Variants in PDE4D observed in about 807,000 individuals in gnomAD.
The protein encoded by PDE4D is phosphodiesterase 4D.
A neutral mutation model predicts 87.4 loss-of-function variants in PDE4D; 24 were observed. The ratio of observed to expected loss-of-function variants is 0.27; its 90% CI spans 0.20 to 0.39. PDE4D has a LOEUF of 0.39. PDE4D is among the 10% of genes least tolerant of loss of function. The pLI is 1.00. For synonymous variants in PDE4D, 384 were observed against 383.2 expected (o/e 1.00, Z -0.02); for missense variants, 714 against 1,041.0 (o/e 0.69, Z 4.32).
chr5:60,518,188 C>G (rs1191321015), intron 1 of PDE4D, among the ~76,000 whole-genome samples: 4 of 152,232 alleles, frequency 2.6e-5, no homozygotes, highest in Non-Finnish European at 5.9e-5. Context: ...GGGCAGCTCC[C>G]TTGTTCACAT....
intron 2 of PDE4D, among the ~76,000 whole-genome samples, chr5:59,200,034 CACACACACGTATGT>C (rs201018241): frequency 0.15 from 20,930 of 139,578 alleles, 2,237 homozygotes; most frequent in African/African-American, 0.17. Context: ...TACATACATG[CACACACACGTATGT>C]ACACACATGC....
intron 2 of PDE4D, among the ~76,000 whole-genome samples, chr5:60,046,882 C>A (rs368331927): frequency 2.0e-5 from 3 of 152,062 alleles, no homozygotes; most frequent in Admixed American, 6.6e-5. Flanking sequence ...CTGGCCTCAT[C>A]AAATGAGTTA....
At chr5:59,576,433 C>CA (rs1410101917) in intron 1 of PDE4D, among the ~76,000 whole-genome samples, 7 of 151,908 alleles carry the variant, frequency 4.6e-5, no homozygotes, top group African/African-American at 1.5e-4. Flanking sequence ...TATCTCAAAA[C>CA]ATAGCACAAT....
intron 1 of PDE4D, among the ~76,000 whole-genome samples, chr5:60,444,119 G>A (rs537380106): frequency 2.6e-5 from 4 of 152,058 alleles, no homozygotes; most frequent in South Asian, 2.1e-4. Context: ...GGTGAAAAGC[G>A]CCTTCATTTA....
intron 1 of PDE4D, among the ~76,000 whole-genome samples, chr5:59,674,257 C>T (rs1332732884): frequency 1.3e-5 from 2 of 152,040 alleles, no homozygotes; most frequent in Non-Finnish European, 2.9e-5. Flanking sequence ...TTGCCTAAGC[C>T]GGAATAGATG....
intron 2 of PDE4D, among the ~76,000 whole-genome samples, chr5:60,077,651 T>C (rs1773459249): frequency 6.6e-6 from 1 of 152,144 alleles, no homozygotes; most frequent in Non-Finnish European, 1.5e-5. Context: ...CAGTCTCCTA[T>C]GGAAACAAGT....
At chr5:60,042,343 T>G (rs1768617569) in intron 2 of PDE4D, among the ~76,000 whole-genome samples, 1 of 152,156 alleles carries the variant, frequency 6.6e-6, no homozygotes, top group Non-Finnish European at 1.5e-5. Context: ...ACAGAGCACC[T>G]GGGGGAAGGG....
At chr5:59,259,235 T>TA (rs1761531443) in intron 1 of PDE4D, among the ~76,000 whole-genome samples, 1 of 151,858 alleles carries the variant, frequency 6.6e-6, no homozygotes, top group African/African-American at 2.4e-5. Context: ...TTCCATGTAT[T>TA]ATTTCACTTA....
intron 3 of PDE4D, among the ~76,000 whole-genome samples, chr5:59,931,414 C>T (rs1448006348): frequency 1.3e-5 from 2 of 152,160 alleles, no homozygotes; most frequent in African/African-American, 4.8e-5. Context: ...AACTTTCTTA[C>T]AGTTACGGAG....
chr5:59,802,698 C>T (rs193210871), intron 1 of PDE4D, among the ~76,000 whole-genome samples: 214 of 152,142 alleles, frequency 1.4e-3, no homozygotes, highest in African/African-American at 4.8e-3. Flanking sequence ...TGCCCAGCCT[C>T]CATATTCTTA....
chr5:59,407,039 T>C (rs1791798425), intron 1 of PDE4D, among the ~76,000 whole-genome samples: 1 of 152,198 alleles, frequency 6.6e-6, no homozygotes, highest in Admixed American at 6.5e-5. Context: ...ACTGGACTTG[T>C]AGAGTCTTGG....
intron 1 of PDE4D, among the ~76,000 whole-genome samples, chr5:59,616,918 C>CCACATAT (rs763741432): frequency 1.6e-5 from 1 of 62,890 alleles, no homozygotes; most frequent in Admixed American, 2.3e-4. Context: ...CTAATAATTA[C>CCACATAT]ATATATATAT....
chr5:59,228,993 A>G (rs1754505702), intron 1 of PDE4D, among the ~76,000 whole-genome samples: 1 of 148,872 alleles, frequency 6.7e-6, no homozygotes, highest in African/African-American at 2.5e-5. Flanking sequence ...CTAACCTCCT[A>G]ACCTTTTTTT....
chr5:59,824,258 T>C (rs573274770), intron 1 of PDE4D, among the ~76,000 whole-genome samples: 1 of 152,210 alleles, frequency 6.6e-6, no homozygotes, highest in South Asian at 2.1e-4. Context: ...TTCTTCTCTT[T>C]TATACAAAGT....
At chr5:59,200,004 A>AATAC (rs1561687469) in intron 2 of PDE4D, among the ~76,000 whole-genome samples, 6 of 147,736 alleles carry the variant, frequency 4.1e-5, no homozygotes, top group African/African-American at 1.5e-4. Flanking sequence ...ACATGCATGC[A>AATAC]ACATACATAC....
chr5:59,138,943 G>A (rs995212140), intron 5 of PDE4D, among the ~76,000 whole-genome samples: 1 of 152,136 alleles, frequency 6.6e-6, no homozygotes, highest in East Asian at 1.9e-4. Context: ...GCTTAAATTC[G>A]GGAGAAATTC....
rs147502600 is a variant in PDE4D at position 59,071,278 on chromosome 5, C to G, written c.809-32307G>C. 7.9e-5 allele frequency among the ~76,000 whole-genome samples: 12 copies of G among 152,146 alleles called. No homozygotes were observed. In the East Asian group the frequency reaches 2.3e-3, roughly 29 times the overall value. ...TTAATACTTTATATTGTGCTAAATG[C>G]TCCAATTAATGAGTTCTGGAAATTT... is the stretch of plus-strand genomic sequence containing the variant. On this transcript the variant is annotated intron_variant, in intron 5 of 14. Coordinates refer to ENST00000340635, the MANE Select transcript of PDE4D (RefSeq NM_001104631.2).
chr5:59,982,529 T>C (rs1027280797), intron 3 of PDE4D, among the ~76,000 whole-genome samples: 9 of 152,170 alleles, frequency 5.9e-5, no homozygotes, highest in African/African-American at 1.9e-4. Context: ...GTGCCCAAGA[T>C]AGGGCTGAAA....
chr5:60,021,784 C>T (rs766907094), intron 2 of PDE4D: 14 of 152,144 alleles, frequency 9.2e-5, no homozygotes, highest in Non-Finnish European at 7.3e-5. Flanking sequence ...AGGAGCAGAC[C>T]CTGTCTTTAA....
Sources: allele counts gnomAD v4.1 joint callset (sites outside exome capture counted in the v4.1 genomes callset), GRCh38; gene constraint gnomAD v4.1.1; transcripts MANE v1.5; gene names NCBI Gene and HGNC (gene_info 2026-07-23, HGNC 2026-07-21).